The following ENOX2 variants were observed in gnomAD, a reference collection of about 807,000 sequenced individuals.
ENOX2 encodes the protein ecto-NOX disulfide-thiol exchanger 2, also known as APK1 antigen.
Under a neutral mutation model 45.0 loss-of-function variants are expected in ENOX2, and 36 were observed. The ratio of observed to expected loss-of-function variants is 0.80; its 90% CI spans 0.61 to 1.06. ENOX2 has a LOEUF of 1.06. Ranked by LOEUF, ENOX2 falls within the 50% of genes least tolerant of loss-of-function variation. The pLI is 0.00. For missense variants in ENOX2, 423 were observed against 462.5 expected (o/e 0.91, Z 0.78); for synonymous variants, 174 against 152.3 (o/e 1.14, Z -1.05).
intron 3 of ENOX2, among the ~76,000 whole-genome samples, chrX:130,766,158 A>G (rs1031166145): frequency 3.6e-5 from 4 of 111,626 alleles, no homozygotes; most frequent in Admixed American, 2.9e-4. Flanking sequence ...CCAACTGGGT[A>G]TAAAAGATAT....
intron 12 of ENOX2, 33 bp from the exon 13 acceptor site, chrX:130,631,609 C>G (rs748609511): frequency 2.0e-5 from 17 of 863,518 alleles, no homozygotes; most frequent in South Asian, 1.2e-4. Context: ...GGTCAGTTCA[C>G]TTTATTTGGC....
chrX:130,776,998 C>T (rs1569500586), intron 3 of ENOX2, among the ~76,000 whole-genome samples: 2 of 112,020 alleles, frequency 1.8e-5, no homozygotes, highest in African/African-American at 3.2e-5. Context: ...TGACAAATCA[C>T]GTAGTACTAT....
rs191099849 is a variant in ENOX2, at chrX:130,720,237, T to C, written c.-38-16983A>G. Among the ~76,000 whole-genome samples the C allele has an allele frequency of 4.0e-3, 453 of 112,504 alleles. 2 individuals carry two copies. The highest frequency in any genetic ancestry group is 0.014 in the African/African-American group (429 of 30,986). On this transcript the variant is annotated intron_variant, in intron 3 of 14. Coordinates refer to ENST00000394363, the MANE Select transcript of ENOX2 (RefSeq NM_006375.4). ...TTCTCTCATAGAGAGTGTTTTCTTA[T>C]CAGTATTACATCCTCAAACATCCTT...
In ENOX2 at chrX:130,894,253, T is replaced by C. The variant is rs190853308; in HGVS notation, c.-183+7431A>G. Among the ~76,000 whole-genome samples the C allele has an allele frequency of 4.5e-5, 5 of 110,796 alleles. No individual in the cohort carries two copies. The East Asian group carries it at 1.4e-3, about 31-fold the overall frequency. ...ACACCCAGTAATGGGATTGCTTGGG[T>C]CAAATGGTATTTCTGGTTCTAGATC... On this transcript the variant is annotated intron_variant, in intron 2 of 14. Coordinates refer to ENST00000394363, the MANE Select transcript of ENOX2 (RefSeq NM_006375.4).
chrX:130,688,982 G>A lies in ENOX2; in HGVS notation c.134C>T (p.Pro45Leu). The A allele has an allele frequency of 8.3e-7, 1 of 1,207,136 alleles. No homozygotes were observed. The highest frequency in any genetic ancestry group is 1.1e-6 in the Non-Finnish European group (1 of 892,369). ...DPALGMMTGIPPITPMMPGLG... is the reference protein window; with the variant it reads ...DPALGMMTGILPITPMMPGLG... ...ACCAGGCATCATTGGAGTTATTGGT[G>A]GAATTCCAGTCATCATTCCAAGAGC... The change falls in exon 5 of 15, where the codon CCA becomes CTA. Residue 45 changes from proline (P) to leucine (L), a missense_variant. By Grantham distance (98) the Pro-to-Leu change is moderately conservative (BLOSUM62 -3). Coordinates refer to ENST00000394363, the MANE Select transcript of ENOX2 (RefSeq NM_006375.4).
intron 2 of ENOX2, among the ~76,000 whole-genome samples, chrX:130,876,504 G>T (rs971669797): frequency 3.6e-5 from 4 of 111,463 alleles, no homozygotes; most frequent in African/African-American, 1.3e-4. Context: ...TACTTATTTT[G>T]GGGGTAACAA....
At chrX:130,743,682 G>A (rs1417660526) in intron 3 of ENOX2, among the ~76,000 whole-genome samples, 3 of 109,738 alleles carry the variant, frequency 2.7e-5, no homozygotes, top group African/African-American at 6.7e-5. Context: ...ATTTCACCAT[G>A]TTGGCCAGGC....
rs191356185 is a variant in ENOX2, at chrX:130,676,317, A to T, written c.460+3225T>A. Among the ~76,000 whole-genome samples, 702 of 108,816 alleles carry T rather than the reference A, an allele frequency of 6.5e-3. 6 individuals are homozygous for T. Among genetic ancestry groups the T allele is most frequent in the African/African-American group, 0.022 (670 of 30,089 alleles). 94.5% of individuals were successfully genotyped at this position (108,816 alleles called of 115,157 possible). ...ATTTTCTAGCCCCCTTTTGTAAGGG[A>T]TTTTTTTTTTGTTTCTTTTAACTGC... On this transcript the variant is annotated intron_variant, in intron 6 of 14. Transcript: ENST00000394363.
chrX:130,833,730 A>G (rs2077878199), intron 2 of ENOX2, among the ~76,000 whole-genome samples: 1 of 111,335 alleles, frequency 9.0e-6, no homozygotes, highest in African/African-American at 3.3e-5. Context: ...CAGCCCTCAA[A>G]CCATTCTTGC....
chrX:130,836,721 A>C (rs2077934065), intron 2 of ENOX2, among the ~76,000 whole-genome samples: 1 of 111,801 alleles, frequency 8.9e-6, no homozygotes, highest in Non-Finnish European at 1.9e-5. Flanking sequence ...GGTTACTGAT[A>C]GTGTCTTCTC....
At chrX:130,816,972 A>C (rs923347228) in intron 2 of ENOX2, among the ~76,000 whole-genome samples, 2 of 112,106 alleles carry the variant, frequency 1.8e-5, no homozygotes, top group African/African-American at 6.5e-5. Flanking sequence ...AAATCAATGA[A>C]TCCAGGAGCT....
intron 10 of ENOX2, chrX:130,645,995 C>T (rs921691536): frequency 8.1e-6 from 5 of 614,945 alleles, no homozygotes; most frequent in African/African-American, 6.6e-5. Flanking sequence ...AACTCAGCTA[C>T]GTTTGTGAGA....
intron 6 of ENOX2, among the ~76,000 whole-genome samples, chrX:130,676,063 A>G (rs1483642666): frequency 8.9e-6 from 1 of 111,943 alleles, no homozygotes; most frequent in Non-Finnish European, 1.9e-5. Flanking sequence ...ATACACTTGC[A>G]CATCCATTCA....
chrX:130,803,743 C>CA (rs1480394609), intron 2 of ENOX2, among the ~76,000 whole-genome samples: 1 of 111,688 alleles, frequency 9.0e-6, no homozygotes, highest in African/African-American at 3.2e-5. Context: ...TGACTACTAC[C>CA]AAAAAATTCC....
At chrX:130,883,436 G>A (rs2078854239) in intron 2 of ENOX2, among the ~76,000 whole-genome samples, 2 of 111,302 alleles carry the variant, frequency 1.8e-5, no homozygotes, top group African/African-American at 3.3e-5. Flanking sequence ...TTATTATTGT[G>A]TTTATATATG....
chrX:130,898,169 G>T (rs920549274), intron 2 of ENOX2, among the ~76,000 whole-genome samples: 2 of 110,607 alleles, frequency 1.8e-5, no homozygotes, highest in Non-Finnish European at 3.8e-5. Context: ...CATCACGCCC[G>T]GCTAATTTTT....
intron 3 of ENOX2, among the ~76,000 whole-genome samples, chrX:130,724,043 A>G (rs2038548528): frequency 1.8e-5 from 2 of 112,345 alleles, no homozygotes; most frequent in African/African-American, 6.5e-5. Flanking sequence ...ATCTGCTGAC[A>G]GTATTGTAAC....
intron 5 of ENOX2, among the ~76,000 whole-genome samples, chrX:130,687,014 T>C (rs956398034): frequency 9.0e-6 from 1 of 111,484 alleles, no homozygotes; most frequent in Non-Finnish European, 1.9e-5. Context: ...TTCTTCCAAC[T>C]CAGAACTGTA....
chrX:130,665,258 C>T (rs991706705), intron 9 of ENOX2, among the ~76,000 whole-genome samples: 6 of 111,956 alleles, frequency 5.4e-5, no homozygotes, highest in Non-Finnish European at 9.4e-5. Flanking sequence ...AGGCGGCTTC[C>T]GTCCTTCACT....
Sources: allele counts gnomAD v4.1 joint callset (sites outside exome capture counted in the v4.1 genomes callset), GRCh38; gene constraint gnomAD v4.1.1; transcripts MANE v1.5; gene names NCBI Gene and HGNC (gene_info 2026-07-23, HGNC 2026-07-21).